SETD6: variants seen among roughly 807,000 people sequenced by gnomAD.
SETD6 encodes N-lysine methyltransferase SETD6.
SETD6 carries 67 observed loss-of-function variants against 52.7 expected under a neutral mutation model. That is an observed-to-expected ratio of 1.27 (90% confidence interval 1.04 to 1.56). The LOEUF is 1.56. Among genes scored for constraint, SETD6 ranks in the 40% most tolerant of loss-of-function variants. The pLI is 0.00. For synonymous variants in SETD6, 307 were observed against 250.2 expected (o/e 1.23, Z -2.14); for missense variants, 712 against 607.5 (o/e 1.17, Z -1.81).
chr16:58,518,847 C>T lies in SETD6; in HGVS notation c.1240C>T (p.Gln414Ter). The T allele has an allele frequency of 6.2e-7, 1 of 1,614,192 alleles. No homozygotes were observed. The highest frequency in any genetic ancestry group is 8.5e-7 in the Non-Finnish European group (1 of 1,180,028). ...TCCCAAGCTCAAAGCATCGTGGAGA[C>T]AGCTGCTTCAAAACAGTGTTCTACT... ...NIPKLKASWR[Q>*]LLQNSVLLTL... is the part of the protein sequence containing the mutation. Residue 414 changes from glutamine to a stop codon, truncating the protein, a stop_gained, in exon 8 of 8, where the codon CAG (glutamine) becomes TAG (stop). Coordinates refer to ENST00000219315, the MANE Select transcript of SETD6 (RefSeq NM_001160305.4). LOFTEE classifies it high-confidence loss of function.
intron 1 of SETD6, 21 bp from the exon 2 acceptor site, chr16:58,515,770 C>A (rs1438501780): frequency 1.4e-6 from 2 of 1,465,928 alleles, no homozygotes; most frequent in South Asian, 1.4e-5. Context: ...CGGACCTGGT[C>A]ACTGCGCGCA....
Position 58,521,201 on chromosome 16 carries a change from C to G in SETD6, c.*2172C>G. 1 of 1,613,742 alleles carries G rather than the reference C, an allele frequency of 6.2e-7. No individual in the cohort carries two copies. The highest frequency in any genetic ancestry group is 1.3e-5 in the African/African-American group (1 of 74,992). On this transcript the variant is annotated 3_prime_UTR_variant, in exon 8 of 8. Transcript: ENST00000219315. ...AACTCACTTTTCGATTTCTGGGGCA[C>G]AGTGTACAAATTCATGGTTCCAGAA...
chr16:58,521,558 C>T lies in SETD6; in HGVS notation c.*2529C>T, dbSNP rs1371822809. ...TATAAAGTGCAGATAATGGTATCTA[C>T]CTCACAGCTGTTCAGAATAAGGGGT... On this transcript the variant is annotated 3_prime_UTR_variant, in exon 8 of 8. Transcript: ENST00000219315. 6.6e-6 allele frequency among the ~76,000 whole-genome samples: 1 copy of T among 152,110 alleles called. No individual in the cohort carries two copies. The highest frequency in any genetic ancestry group is 1.9e-4 in the East Asian group (1 of 5,192).
intron 5 of SETD6, 125 bp downstream of exon 5, chr16:58,517,053 G>T (rs1323572895): frequency 7.4e-7 from 1 of 1,356,656 alleles, no homozygotes; most frequent in Non-Finnish European, 1.1e-6. Context: ...TGTCCTTTTA[G>T]TATGCATATT....
chr16:58,517,977 C>G (rs1017851260), intron 5 of SETD6, 74 bp from the exon 6 acceptor site: 1 of 1,592,176 alleles, frequency 6.3e-7, no homozygotes, highest in African/African-American at 1.3e-5. Context: ...GCTGAAGGCT[C>G]TTCTTAAGTG....
Position 58,521,880 on chromosome 16 carries a change from G to A in SETD6, c.*2851G>A, listed in dbSNP as rs2039390018. The stretch of plus-strand genomic sequence containing the variant: ...GCAGGAGAATCGCTTGAACCCAGTA[G>A]GTGGAGGTTGTGGTGAGCCGAGATG... On this transcript the variant is annotated 3_prime_UTR_variant, in exon 8 of 8. Transcript: ENST00000219315. Among the ~76,000 whole-genome samples the A allele has an allele frequency of 6.6e-6, 1 of 152,162 alleles. No homozygotes were observed. Among genetic ancestry groups the A allele is most frequent in the Admixed American group, 6.5e-5 (1 of 15,286 alleles).
chr16:58,516,276 G>A lies in SETD6; in HGVS notation c.409G>A (p.Ala137Thr), dbSNP rs780023277. The A allele has an allele frequency of 8.7e-6, 14 of 1,602,758 alleles. No homozygotes were observed. The South Asian group carries it at 1.5e-4, about 18-fold the overall frequency. Residue 137 changes from alanine (A) to threonine (T), a missense_variant, in exon 3 of 8, where the codon GCC (alanine) becomes ACC (threonine). Coordinates refer to ENST00000219315, the MANE Select transcript of SETD6 (RefSeq NM_001160305.4). ...GCTGCTCCACGAGCTGCAGGCCCCGGCCTCACGCTGGAGGCCCTACTTTGC... is the reference window on the plus strand; with the variant it reads ...GCTGCTCCACGAGCTGCAGGCCCCGACCTCACGCTGGAGGCCCTACTTTGC... Reference protein sequence around the residue: ...LALLHELQAPASRWRPYFALW... With the variant: ...LALLHELQAPTSRWRPYFALW...
Position 58,516,808 on chromosome 16 carries a change from C to T in SETD6, c.672C>T (p.Ser224=), listed in dbSNP as rs202031310. 1.9e-6 allele frequency: 3 copies of T among 1,614,092 alleles called. No individual in the cohort carries two copies. Among genetic ancestry groups the T allele is most frequent in the Admixed American group, 3.3e-5 (2 of 60,014 alleles). Reference sequence around the variant, plus strand: ...CTTAGCCAGGTTCTGTCAATGGCAGCTTTCAGGAACCACTGGAGGAAGAAG... The same window carrying T: ...CTTAGCCAGGTTCTGTCAATGGCAGTTTTCAGGAACCACTGGAGGAAGAAG... ...HQLVALVMAY[S]FQEPLEEEED... Residue 224 remains serine (S), a splice_region_variant and synonymous_variant, in exon 5 of 8, where the codon AGC becomes AGT. Transcript: ENST00000219315.
rs1215621190 is a variant in SETD6, at chr16:58,521,533, T to C, written c.*2504T>C. 1.3e-5 allele frequency among the ~76,000 whole-genome samples: 2 copies of C among 152,212 alleles called. No individual in the cohort carries two copies. Among genetic ancestry groups the C allele is most frequent in the African/African-American group, 4.8e-5 (2 of 41,458 alleles). On this transcript the variant is annotated 3_prime_UTR_variant, in exon 8 of 8. Transcript: ENST00000219315. ...TTAGCCGTAGAAGACTAAGTATTTA[T>C]ATAAAGTGCAGATAATGGTATCTAC...
Position 58,518,628 on chromosome 16 carries a change from A to AT in SETD6, c.1116+90dup, listed in dbSNP as rs1269906244. Reference sequence around the variant, plus strand: ...TAGAAGATGAGAGAGGAAATGTGGGATTTTTAATAAATGCTAAGATGAGTT... The same window carrying AT: ...TAGAAGATGAGAGAGGAAATGTGGGATTTTTTAATAAATGCTAAGATGAGTT... On this transcript the variant is annotated intron_variant, in intron 7 of 7. Transcript: ENST00000219315. The AT allele has an allele frequency of 1.9e-5, 30 of 1,577,248 alleles. No individual in the cohort carries two copies. In the Admixed American group the frequency reaches 5.9e-4, roughly 31 times the overall value.
Position 58,515,562 on chromosome 16 carries a change from C to T in SETD6, c.25C>T (p.Arg9Trp), listed in dbSNP as rs780618162. Residue 9 changes from arginine (R) to tryptophan (W), a missense_variant and splice_region_variant, in exon 1 of 8, where the codon CGG becomes TGG. By Grantham distance (101) the Arg-to-Trp change is moderately radical (BLOSUM62 -3). Coordinates refer to ENST00000219315, the MANE Select transcript of SETD6 (RefSeq NM_001160305.4). MATQAKRP[R>W]VAGPVDGGDL... ...CATGGCGACCCAGGCGAAGCGTCCACGGGTGAGTGGCGGGCGCGGGGTCCA... is the reference window on the plus strand; with the variant it reads ...CATGGCGACCCAGGCGAAGCGTCCATGGGTGAGTGGCGGGCGCGGGGTCCA... The T allele has an allele frequency of 1.9e-6, 3 of 1,585,450 alleles. No homozygotes were observed. Among genetic ancestry groups the T allele is most frequent in the East Asian group, 2.4e-5 (1 of 42,346 alleles).
rs2039458608 is a variant in SETD6 at position 58,522,989 on chromosome 16, TAATCCCAGCACTTTGG to T, written c.*3961_*3976del. 1 of 156,278 alleles carries T rather than the reference TAATCCCAGCACTTTGG, an allele frequency of 6.4e-6. No homozygotes were observed. The highest frequency in any genetic ancestry group is 1.4e-5 in the Non-Finnish European group (1 of 70,696). 9.7% of individuals were successfully genotyped at this position (156,278 alleles called of 1,614,324 possible). A position where few individuals can be genotyped will look rare whatever the true frequency, so the allele number is the denominator to read the frequency against. On this transcript the variant is annotated 3_prime_UTR_variant, in exon 8 of 8. Coordinates refer to ENST00000219315, the MANE Select transcript of SETD6 (RefSeq NM_001160305.4). ...GGCCGGGTGCAGTGGCTCACGCCTG[TAATCCCAGCACTTTGG>T]GAGGCTGAGGCGGGTGGATCACTTG...
chr16:58,519,120 T>A lies in SETD6; in HGVS notation c.*91T>A, dbSNP rs1251800591. ...TTGAAAAAGAGGAAAATTTGGATCT[T>A]TCTTTTGCTTACTAAACACCAAGAG... On this transcript the variant is annotated 3_prime_UTR_variant, in exon 8 of 8. Coordinates refer to ENST00000219315, the MANE Select transcript of SETD6 (RefSeq NM_001160305.4). 4.6e-6 allele frequency: 6 copies of A among 1,307,848 alleles called. No individual in the cohort carries two copies. In the South Asian group the frequency reaches 6.2e-5, roughly 13 times the overall value. The allele number at this position is 1,307,848 out of a possible 1,614,324, so 81.0% of individuals were successfully genotyped here.
In SETD6 at chr16:58,517,599, C is replaced by T. The variant is rs1403751565; in HGVS notation, c.793-452C>T. On this transcript the variant is annotated intron_variant, in intron 5 of 7. Coordinates refer to ENST00000219315, the MANE Select transcript of SETD6 (RefSeq NM_001160305.4). ...AGCAATTCTCCCTGCCTCAGCCTCCCGAGTAGTTGGAATTACAGGCTCCTG... is the reference window on the plus strand; with the variant it reads ...AGCAATTCTCCCTGCCTCAGCCTCCTGAGTAGTTGGAATTACAGGCTCCTG... 8 of 198,942 alleles carry T rather than the reference C, an allele frequency of 4.0e-5. No homozygotes were observed. The East Asian group carries it at 4.9e-4, about 12-fold the overall frequency. 12.3% of individuals were successfully genotyped at this position (198,942 alleles called of 1,614,324 possible).
chr16:58,518,879 G>A lies in SETD6; in HGVS notation c.1272G>A (p.Leu424=), dbSNP rs773759098. ...TTCAAAACAGTGTTCTACTGACTTT[G>A]CAGACCTATGCCACAGACTTAAAAA... ...QLLQNSVLLT[L]QTYATDLKTD... is the part of the protein sequence containing the mutation. Residue 424 remains leucine, a synonymous_variant, in exon 8 of 8, where the codon TTG becomes TTA. Transcript: ENST00000219315. 2.5e-6 allele frequency: 4 copies of A among 1,614,200 alleles called. No individual in the cohort carries two copies. The highest frequency in any genetic ancestry group is 3.4e-6 in the Non-Finnish European group (4 of 1,180,028).
chr16:58,516,396 A>G (rs192083806), intron 3 of SETD6, 53 bp downstream of exon 3: 1 of 1,612,146 alleles, frequency 6.2e-7, no homozygotes, highest in African/African-American at 1.3e-5. Context: ...CTGCTGCAAG[A>G]AGTTTCCCCG....
At chr16:58,517,872 G>A in intron 5 of SETD6, 179 bp from the exon 6 acceptor site, 1 of 706,380 alleles carries the variant, frequency 1.4e-6, no homozygotes, top group Admixed American at 2.8e-5. Context: ...TTTAAAGTTA[G>A]CCCAACCCTT....
chr16:58,515,967 G>T lies in SETD6; in HGVS notation c.204G>T (p.Arg68=). ...TSPPAQVAVS[R]QGTVAGYGMV... is the part of the protein sequence containing the mutation. Reference sequence around the variant, plus strand: ...CTCCTGCTCAGGTGGCGGTCAGCCGGCAGGGCACGGTGGCCGGCTACGGCA... The same window carrying T: ...CTCCTGCTCAGGTGGCGGTCAGCCGTCAGGGCACGGTGGCCGGCTACGGCA... Residue 68 remains arginine (R), a synonymous_variant, in exon 2 of 8, where the codon CGG becomes CGT. Coordinates refer to ENST00000219315, the MANE Select transcript of SETD6 (RefSeq NM_001160305.4). 5 of 1,532,002 alleles carry T rather than the reference G, an allele frequency of 3.3e-6. No individual in the cohort carries two copies. The highest frequency in any genetic ancestry group is 3.5e-6 in the Non-Finnish European group (4 of 1,148,740). The allele number at this position is 1,532,002 out of a possible 1,614,324, so 94.9% of individuals were successfully genotyped here.
At position 58,523,281 on chromosome 16, in the gene SETD6, A is replaced by C. The variant is rs2039473242; in HGVS notation, c.*4252A>C. 1 of 1,382,016 alleles carries C rather than the reference A, an allele frequency of 7.2e-7. No homozygotes were observed. 85.6% of individuals were successfully genotyped at this position (1,382,016 alleles called of 1,614,324 possible). Reference sequence around the variant, plus strand: ...AAAAAAACCAACCAAACGGATTTTCACTGAACACTGAAAGCATAAAGAGGA... The same window carrying C: ...AAAAAAACCAACCAAACGGATTTTCCCTGAACACTGAAAGCATAAAGAGGA... On this transcript the variant is annotated 3_prime_UTR_variant, in exon 8 of 8. Transcript: ENST00000219315.
Sources: allele counts gnomAD v4.1 joint callset (sites outside exome capture counted in the v4.1 genomes callset), GRCh38; gene constraint gnomAD v4.1.1; transcripts MANE v1.5; gene names NCBI Gene and HGNC (gene_info 2026-07-23, HGNC 2026-07-21).